The following PCDH7 variants were observed in gnomAD, a reference collection of about 807,000 sequenced individuals.
PCDH7 encodes protocadherin 7.
PCDH7 carries 17 observed loss-of-function variants against 58.9 expected under a neutral mutation model. The observed-to-expected ratio is 0.29, with a 90% CI of 0.20 to 0.43. PCDH7 has a LOEUF of 0.43. Among genes scored for constraint, PCDH7 ranks in the 20% least tolerant of loss-of-function variants. PCDH7 has a pLI of 1.00. For synonymous variants in PCDH7, 664 were observed against 616.4 expected (o/e 1.08, Z -1.14); for missense variants, 1,274 against 1,441.0 (o/e 0.88, Z 1.88).
intron 3 of PCDH7, among the ~76,000 whole-genome samples, chr4:31,062,364 C>G (rs1757754135): frequency 6.6e-6 from 1 of 151,580 alleles, no homozygotes; most frequent in African/African-American, 2.4e-5. Context: ...CATAAAGGAA[C>G]CAATATAGAT....
At chr4:30,902,004 G>GCCAC (rs1740281287) in intron 1 of PCDH7, among the ~76,000 whole-genome samples, 2 of 152,234 alleles carry the variant, frequency 1.3e-5, no homozygotes, top group South Asian at 4.1e-4. Context: ...ATGTAACTGT[G>GCCAC]GGCAAGTTTC....
intron 1 of PCDH7, among the ~76,000 whole-genome samples, chr4:30,909,407 G>T (rs904130805): frequency 6.6e-6 from 1 of 152,166 alleles, no homozygotes; most frequent in Non-Finnish European, 1.5e-5. Flanking sequence ...GTTTGCAGAT[G>T]ACATGATTGT....
At chr4:31,010,101 C>T (rs143960266) in intron 3 of PCDH7, among the ~76,000 whole-genome samples, 11 of 151,956 alleles carry the variant, frequency 7.2e-5, no homozygotes, top group African/African-American at 2.4e-4. Context: ...GAATACTGTC[C>T]TTCTTATTGT....
chr4:30,753,910 A>C (rs1192069240), intron 1 of PCDH7, among the ~76,000 whole-genome samples: 41 of 152,216 alleles, frequency 2.7e-4, no homozygotes, highest in Non-Finnish European at 1.5e-5. Flanking sequence ...TAAAGCATGA[A>C]TTAGATTTGA....
intron 1 of PCDH7, among the ~76,000 whole-genome samples, chr4:30,759,440 G>C (rs181260141): frequency 1.2e-4 from 19 of 152,286 alleles, no homozygotes; most frequent in African/African-American, 4.6e-4. Flanking sequence ...AATTCTGGGA[G>C]TAAAGGATCT....
At chr4:30,736,413 T>G (rs1716265732), downstream of PCDH7, among the ~76,000 whole-genome samples, 1 of 152,114 alleles carries the variant, frequency 6.6e-6, no homozygotes, top group South Asian at 2.1e-4. Flanking sequence ...ATTTAAAAAA[T>G]CGGGGTGATC....
intron 1 of PCDH7, among the ~76,000 whole-genome samples, chr4:30,918,100 T>A (rs905874216): frequency 1.2e-4 from 18 of 152,146 alleles, no homozygotes; most frequent in Admixed American, 4.6e-4. Flanking sequence ...TCCTTTCTCT[T>A]TTTATGTAAG....
At chr4:30,851,698 A>T (rs1246017733) in intron 1 of PCDH7, among the ~76,000 whole-genome samples, 4 of 152,074 alleles carry the variant, frequency 2.6e-5, no homozygotes, top group African/African-American at 9.7e-5. Context: ...CATCCTAAGA[A>T]ACTGAGTGTA....
At chr4:31,078,638 C>CCTTTTT (rs1578735926) in intron 3 of PCDH7, among the ~76,000 whole-genome samples, 3 of 78,846 alleles carry the variant, frequency 3.8e-5, no homozygotes, top group Admixed American at 1.7e-4. Context: ...AACCATGCCC[C>CCTTTTT]ATTTTTTTTT....
chr4:31,128,061 G>A (rs1406363970), intron 3 of PCDH7, among the ~76,000 whole-genome samples: 1 of 149,926 alleles, frequency 6.7e-6, no homozygotes, highest in East Asian at 2.0e-4. Flanking sequence ...GCATACATAT[G>A]TATATATGTG....
chr4:30,865,356 A>C (rs972310088), intron 1 of PCDH7, among the ~76,000 whole-genome samples: 7 of 152,224 alleles, frequency 4.6e-5, no homozygotes, highest in Admixed American at 3.3e-4. Context: ...GGGGGCTTTT[A>C]ATAAGTATTA....
At chr4:30,810,456 T>A (rs2109313042) in intron 1 of PCDH7, among the ~76,000 whole-genome samples, 1 of 152,018 alleles carries the variant, frequency 6.6e-6, no homozygotes, top group African/African-American at 2.4e-5. Context: ...TTTCTACTCA[T>A]TGGAAATAAA....
intron 3 of PCDH7, among the ~76,000 whole-genome samples, chr4:31,094,706 G>A (rs902734900): frequency 1.3e-5 from 2 of 151,972 alleles, no homozygotes; most frequent in African/African-American, 4.8e-5. Context: ...CCACTGATAG[G>A]AAACACATAA....
At chr4:31,017,961 G>T (rs1753747978) in intron 3 of PCDH7, among the ~76,000 whole-genome samples, 1 of 151,992 alleles carries the variant, frequency 6.6e-6, no homozygotes, top group African/African-American at 2.4e-5. Context: ...CCACTTACCT[G>T]AGTAACTCAA....
At chr4:31,089,411 G>T (rs2109282031) in intron 3 of PCDH7, among the ~76,000 whole-genome samples, 1 of 152,006 alleles carries the variant, frequency 6.6e-6, no homozygotes, top group South Asian at 2.1e-4. Context: ...AAAATGCCAA[G>T]AAAATTTTTT....
chr4:31,056,291 C>T (rs1020372544), intron 3 of PCDH7, among the ~76,000 whole-genome samples: 1 of 151,208 alleles, frequency 6.6e-6, no homozygotes, highest in Non-Finnish European at 1.5e-5. Context: ...TCATTTGAGC[C>T]GAGGAGGTCG....
intron 1 of PCDH7, among the ~76,000 whole-genome samples, chr4:30,789,276 C>G (rs943877692): frequency 5.3e-5 from 8 of 152,074 alleles, no homozygotes; most frequent in Non-Finnish European, 1.2e-4. Context: ...TTTTCTTGCT[C>G]TTTACCCCTG....
intron 3 of PCDH7, among the ~76,000 whole-genome samples, chr4:31,093,947 G>T (rs145886456): frequency 1.8e-4 from 28 of 152,112 alleles, no homozygotes; most frequent in Admixed American, 5.9e-4. Context: ...ATTTGTAAGC[G>T]ATCTTTACCT....
intron 1 of PCDH7, among the ~76,000 whole-genome samples, chr4:30,798,652 T>G (rs1725113561): frequency 6.6e-6 from 1 of 152,216 alleles, no homozygotes; most frequent in East Asian, 1.9e-4. Context: ...AAAATTACTT[T>G]GTTGAATACT....
Sources: gnomAD v4.1 joint callset for allele counts (sites outside exome capture counted in the v4.1 genomes callset) on GRCh38, gnomAD v4.1.1 for gene constraint, MANE v1.5 for transcripts, NCBI Gene and HGNC (gene_info 2026-07-23, HGNC 2026-07-21) for gene names.